MYO18B: variants seen among roughly 807,000 people sequenced by gnomAD.
The protein encoded by MYO18B is myosin XVIIIB.
In MYO18B, 204 loss-of-function variants were observed where a neutral mutation model predicts 273.0. That is an observed-to-expected ratio of 0.75 (90% CI 0.67 to 0.84). The LOEUF is 0.84. Ranked by LOEUF, MYO18B falls within the 40% of genes least tolerant of loss-of-function variation. The pLI, the probability that MYO18B is intolerant of heterozygous loss-of-function variation, is 0.00. For synonymous variants in MYO18B, 1,330 were observed against 1,305.7 expected, an observed-to-expected ratio of 1.02 and a Z score of -0.40; for missense variants, 3,212 against 3,287.6, an observed-to-expected ratio of 0.98 and a Z score of 0.56.
chr22:25,935,756 G>A (rs1046311701), intron 34 of MYO18B, among the ~76,000 whole-genome samples: 3 of 152,112 alleles, frequency 2.0e-5, no homozygotes, highest in Non-Finnish European at 4.4e-5. Context: ...CCCTGTCCAG[G>A]TCATTTCCTC....
intron 26 of MYO18B, 142 bp downstream of exon 26, chr22:25,891,017 G>A: frequency 7.9e-7 from 1 of 1,263,794 alleles, no homozygotes; most frequent in South Asian, 1.5e-5. Context: ...GGTCCTGGGG[G>A]ACACTTAGGT....
At chr22:25,772,091 G>A (rs908156565) in intron 6 of MYO18B, among the ~76,000 whole-genome samples, 1 of 152,254 alleles carries the variant, frequency 6.6e-6, no homozygotes, top group South Asian at 2.1e-4. Flanking sequence ...TGCATGGAGT[G>A]CAGGACCACA....
chr22:25,819,213 C>T (rs1290867744), intron 12 of MYO18B, among the ~76,000 whole-genome samples: 1 of 152,236 alleles, frequency 6.6e-6, no homozygotes, highest in Admixed American at 6.5e-5. Flanking sequence ...CAGCAGCATG[C>T]ATCTCAGCTG....
intron 37 of MYO18B, among the ~76,000 whole-genome samples, chr22:25,951,850 C>T (rs111348668): frequency 1.4e-3 from 214 of 152,244 alleles, no homozygotes; most frequent in African/African-American, 4.6e-3. Context: ...ATGAAGAAAC[C>T]AAGGCTCAAG....
chr22:25,780,092 C>A lies in MYO18B; in HGVS notation c.2105C>A (p.Ala702Asp), dbSNP rs1382409030. Residue 702 changes from alanine (A) to aspartate (D), a missense_variant, in exon 9 of 44, where the codon GCC (alanine) becomes GAC (aspartate). Physicochemically the swap from Ala to Asp is moderately radical, Grantham distance 126. Coordinates refer to ENST00000335473, the MANE Select transcript of MYO18B (RefSeq NM_032608.7). ...KIRATFTVLR[A>D]FGSVSMAHSR... is the part of the protein sequence containing the mutation. ...CGAGCCACCTTCACTGTCCTCCGGGCCTTCGGCTCTGTGTCCATGGCCCAC... is the reference window on the plus strand; with the variant it reads ...CGAGCCACCTTCACTGTCCTCCGGGACTTCGGCTCTGTGTCCATGGCCCAC... 3.8e-6 allele frequency: 6 copies of A among 1,598,678 alleles called. No homozygotes were observed. The highest frequency in any genetic ancestry group is 3.4e-6 in the Non-Finnish European group (4 of 1,173,670).
intron 39 of MYO18B, among the ~76,000 whole-genome samples, chr22:25,963,163 C>CTCTT (rs1049409660): frequency 6.9e-6 from 1 of 145,942 alleles, no homozygotes; most frequent in Non-Finnish European, 1.5e-5. Flanking sequence ...TCTTTCTCCT[C>CTCTT]TCTCTCTCTC....
intron 40 of MYO18B, among the ~76,000 whole-genome samples, chr22:26,000,568 T>C (rs1933858380): frequency 6.9e-6 from 1 of 143,966 alleles, no homozygotes; most frequent in Non-Finnish European, 1.5e-5. Flanking sequence ...CCCCACTGCT[T>C]CTGCCTGAAA....
chr22:25,840,724 G>A (rs181585515), intron 17 of MYO18B, among the ~76,000 whole-genome samples: 1 of 152,298 alleles, frequency 6.6e-6, no homozygotes, highest in East Asian at 1.9e-4. Flanking sequence ...GAGACGGAAA[G>A]TAGGGTTGGA....
At chr22:25,943,711 CTTTTTTT>C (rs59256754) in intron 34 of MYO18B, among the ~76,000 whole-genome samples, 73 of 79,582 alleles carry the variant, frequency 9.2e-4, no homozygotes, top group Admixed American at 3.1e-3. Flanking sequence ...TCTTTCTTTC[CTTTTTTT>C]TTTTTTTTTT....
intron 1 of MYO18B, among the ~76,000 whole-genome samples, chr22:25,752,432 C>A (rs7287880): frequency 0.31 from 46,851 of 150,700 alleles, 7,644 homozygotes; most frequent in South Asian, 0.42. Context: ...CGTGATCCGC[C>A]CGCCTCGGCC....
intron 30 of MYO18B, chr22:25,903,386 A>G: frequency 2.0e-6 from 1 of 501,816 alleles, no homozygotes; most frequent in East Asian, 3.5e-5. Flanking sequence ...ATCGAACTCT[A>G]GGGACAATTT....
chr22:25,879,974 C>T (rs1187148542), intron 25 of MYO18B, among the ~76,000 whole-genome samples: 1 of 152,144 alleles, frequency 6.6e-6, no homozygotes, highest in Non-Finnish European at 1.5e-5. Flanking sequence ...TCCCCATGAT[C>T]CAGTCATCTC....
chr22:25,904,943 TAAAA>T (rs10567781), intron 31 of MYO18B, among the ~76,000 whole-genome samples: 2 of 146,868 alleles, frequency 1.4e-5, no homozygotes, highest in Non-Finnish European at 1.5e-5. Context: ...ATGCCTGAGA[TAAAA>T]AAAAAAAAAA....
intron 1 of MYO18B, among the ~76,000 whole-genome samples, chr22:25,747,125 AAAAG>A (rs999415119): frequency 2.0e-5 from 3 of 152,156 alleles, no homozygotes; most frequent in African/African-American, 7.2e-5. Flanking sequence ...CCGCTTCAAA[AAAAG>A]AAAGAAAGAA....
chr22:25,825,184 A>AG (rs2089447854), intron 13 of MYO18B, among the ~76,000 whole-genome samples: 3 of 152,138 alleles, frequency 2.0e-5, no homozygotes, highest in South Asian at 2.1e-4. Context: ...AGTCTGAGTT[A>AG]ACCTCTCAGG....
chr22:26,025,561 G>C (rs909772049), intron 42 of MYO18B, among the ~76,000 whole-genome samples: 2 of 152,140 alleles, frequency 1.3e-5, no homozygotes, highest in African/African-American at 4.8e-5. Flanking sequence ...TTTATCTGCA[G>C]TGCCAACACT....
the MYO18B span, among the ~76,000 whole-genome samples, chr22:26,042,517 T>G: frequency 1.3e-5 from 2 of 152,240 alleles, no homozygotes; most frequent in African/African-American, 4.8e-5. Flanking sequence ...GCAAACAATT[T>G]CATAGAGAGG....
intron 23 of MYO18B, among the ~76,000 whole-genome samples, chr22:25,875,046 T>C (rs1379034795): frequency 6.6e-6 from 1 of 152,268 alleles, no homozygotes; most frequent in Non-Finnish European, 1.5e-5. Flanking sequence ...TGGAGTCTTG[T>C]TGTATGTGCC....
chr22:25,921,734 G>GTGTGTATGTGTA, intron 34 of MYO18B, among the ~76,000 whole-genome samples: 1 of 129,246 alleles, frequency 7.7e-6, no homozygotes, highest in African/African-American at 3.4e-5. Context: ...GTGTGTGTGT[G>GTGTGTATGTGTA]TGTGTGTATG....
Sources: gnomAD v4.1 joint callset for allele counts (sites outside exome capture counted in the v4.1 genomes callset) on GRCh38, gnomAD v4.1.1 for gene constraint, MANE v1.5 for transcripts, NCBI Gene and HGNC (gene_info 2026-07-23, HGNC 2026-07-21) for gene names.